Variants in GRM1 observed in about 807,000 individuals in gnomAD.
GRM1 encodes the protein metabotropic glutamate receptor 1.
Under a neutral mutation model 90.9 loss-of-function variants are expected in GRM1, and 33 were observed. The observed-to-expected ratio is 0.36, with a 90% CI of 0.28 to 0.49. GRM1 has a LOEUF of 0.49. Among genes scored for constraint, GRM1 ranks in the 20% least tolerant of loss-of-function variants. GRM1 has a pLI of 0.99. For missense variants in GRM1, 1,190 were observed against 1,534.3 expected (o/e 0.78, Z 3.75); for synonymous variants, 700 against 613.2 (o/e 1.14, Z -2.09).
chr6:146,360,341 A>G (rs1368331896), intron 5 of GRM1, among the ~76,000 whole-genome samples: 4 of 152,070 alleles, frequency 2.6e-5, no homozygotes, highest in Admixed American at 2.0e-4. Flanking sequence ...TATAAATATA[A>G]TATCTCATGG....
chr6:146,410,071 T>G (rs1777506504), intron 7 of GRM1, among the ~76,000 whole-genome samples: 1 of 152,180 alleles, frequency 6.6e-6, no homozygotes. Flanking sequence ...TCATATTATT[T>G]GGCTTAGATG....
At chr6:146,414,448 C>G (rs1417574516) in intron 7 of GRM1, among the ~76,000 whole-genome samples, 2 of 151,204 alleles carry the variant, frequency 1.3e-5, no homozygotes, top group African/African-American at 2.4e-5. Flanking sequence ...CTGTCGTCCA[C>G]GCTGGAGTGG....
intron 3 of GRM1, among the ~76,000 whole-genome samples, chr6:146,347,121 A>G (rs1785213774): frequency 6.6e-6 from 1 of 152,238 alleles, no homozygotes; most frequent in Non-Finnish European, 1.5e-5. Flanking sequence ...CATTCTTTCA[A>G]TATTTTTCAA....
intron 3 of GRM1, among the ~76,000 whole-genome samples, chr6:146,326,261 A>G (rs558663637): frequency 3.9e-5 from 6 of 152,226 alleles, no homozygotes; most frequent in Non-Finnish European, 8.8e-5. Flanking sequence ...ATGCAGCCAT[A>G]AAAAAGAATG....
intron 7 of GRM1, among the ~76,000 whole-genome samples, chr6:146,425,302 T>A (rs900581068): frequency 1.2e-4 from 18 of 152,322 alleles, no homozygotes; most frequent in African/African-American, 3.6e-4. Context: ...GTATTCTTGT[T>A]TAAAATTTAA....
At chr6:146,220,743 A>G (rs370545633) in intron 2 of GRM1, among the ~76,000 whole-genome samples, 1 of 152,098 alleles carries the variant, frequency 6.6e-6, no homozygotes, top group Non-Finnish European at 1.5e-5. Context: ...ATAGAGTTAC[A>G]GTAAAGGGGA....
chr6:146,417,322 G>A (rs951542584), intron 7 of GRM1, among the ~76,000 whole-genome samples: 7 of 152,164 alleles, frequency 4.6e-5, no homozygotes, highest in Non-Finnish European at 1.5e-5. Flanking sequence ...CAGTGGGAGA[G>A]TTAGTTTGCC....
Position 146,219,337 on chromosome 6 carries a change from G to A in GRM1, c.950+59740G>A, listed in dbSNP as rs112396402. On this transcript the variant is annotated intron_variant, in intron 2 of 7. Transcript: ENST00000282753. ...GAAGAGGCTTTGATAAAGCCACCAG[G>A]GGGTGAGAACAATACTTTGGAGTCT... 9.3e-3 allele frequency among the ~76,000 whole-genome samples: 1,422 copies of A among 152,254 alleles called. 15 individuals are homozygous for A. Among genetic ancestry groups the A allele is most frequent in the African/African-American group, 0.033 (1,368 of 41,548 alleles).
chr6:146,255,467 T>C (rs568256598), intron 2 of GRM1, among the ~76,000 whole-genome samples: 2 of 152,262 alleles, frequency 1.3e-5, no homozygotes, highest in East Asian at 3.9e-4. Flanking sequence ...TTCAAACCTT[T>C]AGTGCTTGAT....
At position 146,298,862 on chromosome 6, in the gene GRM1, T is replaced by G. The variant is rs543470718; in HGVS notation, c.951-5749T>G. 1.1e-4 allele frequency among the ~76,000 whole-genome samples: 17 copies of G among 152,154 alleles called. No homozygotes were observed. In the East Asian group the frequency reaches 1.7e-3, roughly 15 times the overall value. On this transcript the variant is annotated intron_variant, in intron 2 of 7. Coordinates refer to ENST00000282753, the MANE Select transcript of GRM1 (RefSeq NM_001278064.2). ...TCATCTTCACTTCCTAGCAAAGACT[T>G]TACAAAAGCTATGAAAACACATCAA...
chr6:146,330,903 T>G (rs1172072935), intron 3 of GRM1, among the ~76,000 whole-genome samples: 1 of 152,026 alleles, frequency 6.6e-6, no homozygotes, highest in Non-Finnish European at 1.5e-5. Context: ...TATAGTCAAG[T>G]TGAGGTGTTG....
intron 1 of GRM1, among the ~76,000 whole-genome samples, chr6:146,102,110 G>C (rs1021455187): frequency 6.6e-6 from 1 of 152,050 alleles, no homozygotes; most frequent in Non-Finnish European, 1.5e-5. Context: ...CTCGCCTCTT[G>C]TTCTCCTCTA....
At chr6:146,204,896 C>T (rs1455534818) in intron 2 of GRM1, among the ~76,000 whole-genome samples, 3 of 152,142 alleles carry the variant, frequency 2.0e-5, no homozygotes, top group African/African-American at 7.2e-5. Context: ...CCTTGAAATT[C>T]ATGTAATGCT....
At chr6:146,346,984 C>T (rs1454752209) in intron 3 of GRM1, among the ~76,000 whole-genome samples, 1 of 152,084 alleles carries the variant, frequency 6.6e-6, no homozygotes, top group East Asian at 1.9e-4. Flanking sequence ...GGTGTTTGTT[C>T]TTTTAATTTG....
intron 2 of GRM1, among the ~76,000 whole-genome samples, chr6:146,304,304 C>A (rs1783496571): frequency 1.3e-5 from 2 of 152,130 alleles, no homozygotes; most frequent in Non-Finnish European, 1.5e-5. Flanking sequence ...GGCTGAATGT[C>A]TTCCCTCTCA....
rs1778618750 is a variant in GRM1 at position 146,437,183 on chromosome 6, C to T, written c.*2387C>T. On this transcript the variant is annotated 3_prime_UTR_variant, in exon 8 of 8. Transcript: ENST00000282753. ...TAGTGAATCATGCTTATTTTTTACT[C>T]TTAATGCCACTAATATACATCCCTA... is the stretch of plus-strand genomic sequence containing the variant. 1 of 152,118 alleles carries T rather than the reference C, an allele frequency of 6.6e-6. No homozygotes were observed. Among genetic ancestry groups the T allele is most frequent in the Non-Finnish European group, 1.5e-5 (1 of 68,008 alleles). The allele number at this position is 152,118 out of a possible 1,614,324, so 9.4% of individuals were successfully genotyped here.
At chr6:146,192,678 G>T (rs922306577) in intron 2 of GRM1, among the ~76,000 whole-genome samples, 1 of 152,210 alleles carries the variant, frequency 6.6e-6, no homozygotes, top group Admixed American at 6.5e-5. Flanking sequence ...TTTAAACTGT[G>T]TTGTGACCAA....
In GRM1 at chr6:146,357,507, C is replaced by A; in HGVS notation, c.1434-19C>A. The A allele has an allele frequency of 6.3e-7, 1 of 1,593,806 alleles. No homozygotes were observed. Among genetic ancestry groups the A allele is most frequent in the Non-Finnish European group, 8.6e-7 (1 of 1,161,456 alleles). On this transcript the variant is annotated intron_variant, in intron 4 of 7. Coordinates refer to ENST00000282753, the MANE Select transcript of GRM1 (RefSeq NM_001278064.2). ...TTATGTCTATATTCTATAAGACATGCACATTGTGCTCTTTGTAGGTATGAT... is the reference window on the plus strand; with the variant it reads ...TTATGTCTATATTCTATAAGACATGAACATTGTGCTCTTTGTAGGTATGAT...
chr6:146,322,966 T>G (rs1583323767), intron 3 of GRM1, among the ~76,000 whole-genome samples: 1 of 152,180 alleles, frequency 6.6e-6, no homozygotes. Context: ...TATTCCATGG[T>G]GTATATGTGC....
Sources: gnomAD v4.1 joint callset for allele counts (sites outside exome capture counted in the v4.1 genomes callset) on GRCh38, gnomAD v4.1.1 for gene constraint, MANE v1.5 for transcripts, NCBI Gene and HGNC (gene_info 2026-07-23, HGNC 2026-07-21) for gene names.